AHCYL2: variants seen among roughly 807,000 people sequenced by gnomAD.
The protein encoded by AHCYL2 is S-adenosylhomocysteine hydrolase-like protein 2.
A neutral mutation model predicts 81.4 loss-of-function variants in AHCYL2; 28 were observed. That is an observed-to-expected ratio of 0.34 (90% CI 0.25 to 0.47). AHCYL2 has a LOEUF of 0.47. Among genes scored for constraint, AHCYL2 ranks in the 20% least tolerant of loss-of-function variants. The pLI, the probability that AHCYL2 is intolerant of heterozygous loss-of-function variation, is 1.00. For synonymous variants in AHCYL2, 272 were observed against 290.2 expected, an observed-to-expected ratio of 0.94 and a Z score of 0.64; for missense variants, 551 against 785.1, an observed-to-expected ratio of 0.70 and a Z score of 3.56.
At chr7:129,237,909 A>G (rs1370643706) in intron 1 of AHCYL2, among the ~76,000 whole-genome samples, 2 of 151,980 alleles carry the variant, frequency 1.3e-5, no homozygotes, top group African/African-American at 4.8e-5. Context: ...TTTAATAGAG[A>G]CAGGGTTTCA....
chr7:129,382,708 C>G (rs934047151), intron 2 of AHCYL2, among the ~76,000 whole-genome samples: 1 of 151,968 alleles, frequency 6.6e-6, no homozygotes, highest in Non-Finnish European at 1.5e-5. Flanking sequence ...GGGTTCGAGA[C>G]CAGCCTGACC....
intron 1 of AHCYL2, among the ~76,000 whole-genome samples, chr7:129,301,382 C>T (rs1797251249): frequency 6.6e-6 from 1 of 152,008 alleles, no homozygotes; most frequent in Non-Finnish European, 1.5e-5. Flanking sequence ...CTGATTTGTC[C>T]ATTTTTGCTT....
chr7:129,357,955 G>A (rs929363486), intron 1 of AHCYL2, among the ~76,000 whole-genome samples: 1 of 150,994 alleles, frequency 6.6e-6, no homozygotes, highest in East Asian at 2.0e-4. Context: ...AAAAGAAAGT[G>A]GGGCCTCAAA....
At chr7:129,265,501 G>A (rs923801665) in intron 1 of AHCYL2, among the ~76,000 whole-genome samples, 3 of 152,130 alleles carry the variant, frequency 2.0e-5, no homozygotes, top group African/African-American at 7.2e-5. Context: ...GCAGAGTGTG[G>A]CAAGTGCACA....
At chr7:129,254,335 A>G (rs554085409) in intron 1 of AHCYL2, among the ~76,000 whole-genome samples, 3 of 152,332 alleles carry the variant, frequency 2.0e-5, no homozygotes, top group East Asian at 3.9e-4. Flanking sequence ...TTATTATCCT[A>G]CAACAACATA....
At chr7:129,390,971 T>C (rs979826963) in intron 4 of AHCYL2, among the ~76,000 whole-genome samples, 1 of 152,148 alleles carries the variant, frequency 6.6e-6, no homozygotes, top group Non-Finnish European at 1.5e-5. Flanking sequence ...GTACATATAA[T>C]CTTTAAAAAT....
chr7:129,376,394 G>A (rs575883765), intron 1 of AHCYL2, among the ~76,000 whole-genome samples: 125 of 152,314 alleles, frequency 8.2e-4, no homozygotes, highest in Non-Finnish European at 1.4e-3. Context: ...ATATTTTTCT[G>A]TCTTAAAGAA....
At chr7:129,317,275 G>A (rs897773283) in intron 1 of AHCYL2, among the ~76,000 whole-genome samples, 1 of 152,178 alleles carries the variant, frequency 6.6e-6, no homozygotes, top group Non-Finnish European at 1.5e-5. Flanking sequence ...AGAATGTGGA[G>A]TCAGGTTCTA....
At chr7:129,353,208 G>A (rs920146710) in intron 1 of AHCYL2, among the ~76,000 whole-genome samples, 11 of 151,976 alleles carry the variant, frequency 7.2e-5, no homozygotes, top group Non-Finnish European at 1.0e-4. Context: ...TCGGCCTCCC[G>A]AAGTGCTGGG....
At chr7:129,303,171 T>G (rs1224394937) in intron 1 of AHCYL2, among the ~76,000 whole-genome samples, 1 of 152,176 alleles carries the variant, frequency 6.6e-6, no homozygotes, top group Non-Finnish European at 1.5e-5. Flanking sequence ...CGGTTAATTT[T>G]GTATTTTTAG....
chr7:129,280,414 C>T (rs534785877), intron 1 of AHCYL2, among the ~76,000 whole-genome samples: 4 of 152,164 alleles, frequency 2.6e-5, no homozygotes, highest in Admixed American at 2.0e-4. Flanking sequence ...AGCAATCCAC[C>T]TGCCTTGGCC....
At chr7:129,387,948 G>A (rs889222912) in intron 2 of AHCYL2, 1 of 152,112 alleles carries the variant, frequency 6.6e-6, no homozygotes, top group Non-Finnish European at 1.5e-5. Context: ...TGATTAACTG[G>A]GCAAGGTCAG....
Position 129,225,440 on chromosome 7 carries a change from G to A in AHCYL2, c.363+1G>A. ...CGAGGCGCCGCGCACAGTCAAGAAG[G>A]TACTGGGGCCGGGCTGCCTCTCTAG... is the stretch of plus-strand genomic sequence containing the variant. On this transcript the variant is annotated splice_donor_variant, in intron 1 of 16. Transcript: ENST00000325006. LOFTEE classifies it high-confidence loss of function. 6.6e-7 allele frequency: 1 copy of A among 1,506,544 alleles called. No individual in the cohort carries two copies. Among genetic ancestry groups the A allele is most frequent in the Non-Finnish European group, 8.8e-7 (1 of 1,133,748 alleles). 93.3% of individuals were successfully genotyped at this position (1,506,544 alleles called of 1,614,324 possible). A position where few individuals can be genotyped will look rare whatever the true frequency, so the allele number is the denominator to read the frequency against.
chr7:129,303,627 T>C (rs1797326253), intron 1 of AHCYL2, among the ~76,000 whole-genome samples: 1 of 152,214 alleles, frequency 6.6e-6, no homozygotes, highest in African/African-American at 2.4e-5. Context: ...TATTTTGTAT[T>C]GTTTTCTTCA....
At chr7:129,261,669 A>G (rs1563170837) in intron 1 of AHCYL2, among the ~76,000 whole-genome samples, 1 of 152,152 alleles carries the variant, frequency 6.6e-6, no homozygotes, top group Non-Finnish European at 1.5e-5. Context: ...TAAACCCTTA[A>G]TCTATGATTT....
intron 1 of AHCYL2, among the ~76,000 whole-genome samples, chr7:129,329,286 C>T (rs1798335484): frequency 6.6e-6 from 1 of 152,182 alleles, no homozygotes; most frequent in Non-Finnish European, 1.5e-5. Flanking sequence ...CTCAAGCAAT[C>T]TTCCCACCTC....
chr7:129,416,617 G>C (rs1563247427), intron 12 of AHCYL2, among the ~76,000 whole-genome samples: 1 of 151,962 alleles, frequency 6.6e-6, no homozygotes. Flanking sequence ...GGCTAACATG[G>C]TGAAACCCTG....
At position 129,389,044 on chromosome 7, in the gene AHCYL2, CT is replaced by C. The variant is rs769933305; in HGVS notation, c.476-11del. ...TTTTTTTTTCCGAGTGTTTTTTATTCTGTCATTCCAGCGGCTTCATATACAG... is the reference window on the plus strand; with the variant it reads ...TTTTTTTTTCCGAGTGTTTTTTATTCGTCATTCCAGCGGCTTCATATACAG... On this transcript the variant is annotated splice_polypyrimidine_tract_variant and intron_variant, in intron 2 of 16. Coordinates refer to ENST00000325006, the MANE Select transcript of AHCYL2 (RefSeq NM_015328.4). 2.5e-6 allele frequency: 4 copies of C among 1,584,884 alleles called. No individual in the cohort carries two copies. In the South Asian group the frequency reaches 4.7e-5, roughly 18 times the overall value.
chr7:129,263,411 C>G lies in AHCYL2; in HGVS notation c.363+37972C>G, dbSNP rs1795710400. 5.9e-5 allele frequency among the ~76,000 whole-genome samples: 9 copies of G among 152,286 alleles called. No individual in the cohort carries two copies. In the South Asian group the frequency reaches 1.7e-3, roughly 28 times the overall value. On this transcript the variant is annotated intron_variant, in intron 1 of 16. Coordinates refer to ENST00000325006, the MANE Select transcript of AHCYL2 (RefSeq NM_015328.4). Reference sequence around the variant, plus strand: ...GTGGCCAAACTTGATATCAACTGGACCAGTTGTCTAATTCTCCACCAGGAA... The same window carrying G: ...GTGGCCAAACTTGATATCAACTGGAGCAGTTGTCTAATTCTCCACCAGGAA...
Sources: gnomAD v4.1 joint callset for allele counts (sites outside exome capture counted in the v4.1 genomes callset) on GRCh38, gnomAD v4.1.1 for gene constraint, MANE v1.5 for transcripts, NCBI Gene and HGNC (gene_info 2026-07-23, HGNC 2026-07-21) for gene names.